Variants in ZSWIM6 observed in about 807,000 individuals in gnomAD.
The protein encoded by ZSWIM6 is zinc finger SWIM domain-containing protein 6.
A neutral mutation model predicts 113.2 loss-of-function variants in ZSWIM6; 9 were observed. The ratio of observed to expected loss-of-function variants is 0.08; its 90% CI spans 0.05 to 0.14. The LOEUF is 0.14. Ranked by LOEUF, ZSWIM6 falls within the 10% of genes least tolerant of loss-of-function variation. The probability of loss-of-function intolerance (pLI) is 1.00; values close to 1 mark genes in which losing one functional copy is unlikely to be tolerated. For missense variants in ZSWIM6, 1,162 were observed against 1,552.2 expected (o/e 0.75, Z 4.22); for synonymous variants, 611 against 606.5 (o/e 1.01, Z -0.11).
chr5:61,422,881 A>G (rs61325511), intron 1 of ZSWIM6, among the ~76,000 whole-genome samples: 23,264 of 152,134 alleles, frequency 0.15, 1,882 homozygotes, highest in Non-Finnish European at 0.17. Context: ...TAAAAATGCT[A>G]CTGATTTTTG....
At chr5:61,397,106 A>G (rs1745852297) in intron 1 of ZSWIM6, among the ~76,000 whole-genome samples, 3 of 152,168 alleles carry the variant, frequency 2.0e-5, no homozygotes. Flanking sequence ...TATTTGCCTG[A>G]ATTTGTTTGT....
intron 1 of ZSWIM6, among the ~76,000 whole-genome samples, chr5:61,421,825 G>C (rs1746360771): frequency 6.6e-6 from 1 of 152,188 alleles, no homozygotes; most frequent in South Asian, 2.1e-4. Flanking sequence ...CTCTTTTATG[G>C]CTGCATAGTA....
At chr5:61,355,784 A>C (rs1333498376) in intron 1 of ZSWIM6, among the ~76,000 whole-genome samples, 1 of 152,226 alleles carries the variant, frequency 6.6e-6, no homozygotes, top group Non-Finnish European at 1.5e-5. Context: ...TAGTGCAATA[A>C]AAAGAATGTA....
chr5:61,489,396 A>G (rs1441883220), intron 2 of ZSWIM6, among the ~76,000 whole-genome samples: 1 of 152,008 alleles, frequency 6.6e-6, no homozygotes, highest in Non-Finnish European at 1.5e-5. Context: ...TTAGATTGAT[A>G]TTTATCTCAA....
At chr5:61,348,516 A>G (rs886822473) in intron 1 of ZSWIM6, among the ~76,000 whole-genome samples, 5 of 152,332 alleles carry the variant, frequency 3.3e-5, no homozygotes, top group African/African-American at 9.6e-5. Context: ...TTCAGAATGT[A>G]ATCTGTAAAA....
intron 1 of ZSWIM6, among the ~76,000 whole-genome samples, chr5:61,424,728 T>C (rs756936042): frequency 5.2e-5 from 7 of 134,468 alleles, no homozygotes; most frequent in Non-Finnish European, 1.2e-4. Flanking sequence ...ATCTTGGCTC[T>C]TTTTTTTTTT....
At chr5:61,354,814 A>G (rs1744865559) in intron 1 of ZSWIM6, among the ~76,000 whole-genome samples, 1 of 152,206 alleles carries the variant, frequency 6.6e-6, no homozygotes, top group African/African-American at 2.4e-5. Flanking sequence ...TTTATGACTT[A>G]TAGTCTGCCT....
At chr5:61,479,883 G>A (rs561744968) in intron 2 of ZSWIM6, among the ~76,000 whole-genome samples, 3 of 151,670 alleles carry the variant, frequency 2.0e-5, no homozygotes, top group South Asian at 2.1e-4. Flanking sequence ...TAAGGGCAGC[G>A]GTAAATATTT....
chr5:61,460,623 A>C (rs1007194949), intron 1 of ZSWIM6, among the ~76,000 whole-genome samples: 1 of 152,126 alleles, frequency 6.6e-6, no homozygotes, highest in Non-Finnish European at 1.5e-5. Flanking sequence ...TTGTTAACTC[A>C]AATTGTCCAA....
intron 1 of ZSWIM6, among the ~76,000 whole-genome samples, chr5:61,446,720 A>G (rs916557442): frequency 1.3e-5 from 2 of 152,220 alleles, no homozygotes; most frequent in Non-Finnish European, 2.9e-5. Context: ...AGTCACATGA[A>G]CTTGGAAAAT....
At chr5:61,375,322 A>G in intron 1 of ZSWIM6, 8 of 1,605,394 alleles carry the variant, frequency 5.0e-6, no homozygotes, top group Non-Finnish European at 6.8e-6. Flanking sequence ...GAACTGGAAG[A>G]AAGAACTGGA....
chr5:61,380,818 G>A (rs530213346), intron 1 of ZSWIM6, among the ~76,000 whole-genome samples: 11 of 152,232 alleles, frequency 7.2e-5, no homozygotes, highest in African/African-American at 2.6e-4. Context: ...AATCATTTAT[G>A]GGCCGGGCGA....
intron 1 of ZSWIM6, among the ~76,000 whole-genome samples, chr5:61,344,688 T>G (rs988511709): frequency 1.3e-5 from 2 of 152,196 alleles, no homozygotes; most frequent in Non-Finnish European, 2.9e-5. Context: ...GAAATAAAGT[T>G]GAGGTCAGAA....
At chr5:61,352,073 T>A (rs1482167659) in intron 1 of ZSWIM6, among the ~76,000 whole-genome samples, 1 of 152,190 alleles carries the variant, frequency 6.6e-6, no homozygotes, top group Non-Finnish European at 1.5e-5. Context: ...GCCTGGACCC[T>A]CAGCCACCTT....
chr5:61,535,460 A>G, intron 9 of ZSWIM6, 24 bp from the exon 10 acceptor site: 1 of 1,549,296 alleles, frequency 6.5e-7, no homozygotes, highest in Non-Finnish European at 8.7e-7. Context: ...AGGAACGTAA[A>G]ATGTGTATGC....
At chr5:61,515,646 G>T (rs902312647) in intron 4 of ZSWIM6, among the ~76,000 whole-genome samples, 4 of 152,094 alleles carry the variant, frequency 2.6e-5, no homozygotes, top group African/African-American at 9.7e-5. Context: ...TTGCATTGGG[G>T]ATCATGTGTC....
chr5:61,465,323 C>T (rs1379974205), intron 1 of ZSWIM6, among the ~76,000 whole-genome samples: 2 of 151,906 alleles, frequency 1.3e-5, no homozygotes, highest in Admixed American at 6.6e-5. Flanking sequence ...AGTTAAAATA[C>T]AGAAATACAT....
At chr5:61,430,562 A>G (rs1323030736) in intron 1 of ZSWIM6, among the ~76,000 whole-genome samples, 1 of 152,176 alleles carries the variant, frequency 6.6e-6, no homozygotes, top group African/African-American at 2.4e-5. Context: ...GTCTATGTAT[A>G]CGCAGATTTT....
chr5:61,515,001 T>C (rs1748891831), intron 4 of ZSWIM6, among the ~76,000 whole-genome samples: 1 of 152,198 alleles, frequency 6.6e-6, no homozygotes, highest in Admixed American at 6.5e-5. Flanking sequence ...TCTGTATTGT[T>C]AGAGATTTTT....
Sources: allele counts gnomAD v4.1 joint callset (sites outside exome capture counted in the v4.1 genomes callset), GRCh38; gene constraint gnomAD v4.1.1; transcripts MANE v1.5; gene names NCBI Gene and HGNC (gene_info 2026-07-23, HGNC 2026-07-21).